SLC25A13: variants seen among roughly 807,000 people sequenced by gnomAD.
The protein encoded by SLC25A13 is solute carrier family 25 member 13, also known as electrogenic aspartate/glutamate antiporter SLC25A13, mitochondrial.
In SLC25A13, 70 loss-of-function variants were observed where a neutral mutation model predicts 85.5. The observed-to-expected ratio is 0.82, with a 90% CI of 0.68 to 1.00. The LOEUF is 1.00. Ranked by LOEUF, SLC25A13 falls within the 50% of genes least tolerant of loss-of-function variation. The probability of loss-of-function intolerance (pLI) is 0.00; values close to 1 mark genes in which losing one functional copy is unlikely to be tolerated. For missense variants in SLC25A13, 765 were observed against 819.8 expected, an observed-to-expected ratio of 0.93 and a Z score of 0.82; for synonymous variants, 259 against 288.7, an observed-to-expected ratio of 0.90 and a Z score of 1.04.
chr7:96,277,457 T>C (rs1295431383), intron 2 of SLC25A13, 119 bp from the exon 3 acceptor site: 2 of 934,542 alleles, frequency 2.1e-6, no homozygotes, highest in East Asian at 2.7e-5. Flanking sequence ...GATATGATCA[T>C]GTACGCTTCA....
chr7:96,197,680 C>G (rs1795112210), intron 5 of SLC25A13, among the ~76,000 whole-genome samples: 1 of 151,582 alleles, frequency 6.6e-6, no homozygotes, highest in Admixed American at 6.6e-5. Context: ...GATCTCAACT[C>G]AGAAGGGATA....
At chr7:96,172,581 A>G (rs936182391) in intron 11 of SLC25A13, among the ~76,000 whole-genome samples, 1 of 151,686 alleles carries the variant, frequency 6.6e-6, no homozygotes, top group Non-Finnish European at 1.5e-5. Flanking sequence ...ATCAATGAAC[A>G]CACTGACCTA....
At chr7:96,176,826 A>G (rs781114472) in intron 11 of SLC25A13, among the ~76,000 whole-genome samples, 1 of 152,206 alleles carries the variant, frequency 6.6e-6, no homozygotes, top group Non-Finnish European at 1.5e-5. Context: ...AACTAATTTT[A>G]GGCTATTTCC....
chr7:96,283,391 A>T, intron 2 of SLC25A13: 1 of 371,162 alleles, frequency 2.7e-6, no homozygotes, highest in South Asian at 2.5e-5. Flanking sequence ...AGAGGCACTC[A>T]ATATATGTTC....
At chr7:96,311,975 G>A (rs910468457) in intron 1 of SLC25A13, among the ~76,000 whole-genome samples, 1 of 152,130 alleles carries the variant, frequency 6.6e-6, no homozygotes, top group Non-Finnish European at 1.5e-5. Context: ...TATGAAAATC[G>A]AATGAGTCTG....
chr7:96,235,931 C>T (rs762466072), intron 3 of SLC25A13, among the ~76,000 whole-genome samples: 16 of 152,078 alleles, frequency 1.1e-4, no homozygotes, highest in Non-Finnish European at 2.2e-4. Flanking sequence ...TATTTTTTAA[C>T]AACTGCTATT....
intron 2 of SLC25A13, among the ~76,000 whole-genome samples, chr7:96,282,639 T>C (rs1284723501): frequency 6.6e-6 from 1 of 152,216 alleles, no homozygotes; most frequent in Non-Finnish European, 1.5e-5. Flanking sequence ...GTTTTTATTA[T>C]TTGAAGCTCT....
chr7:96,253,247 C>G (rs777619067), intron 3 of SLC25A13, among the ~76,000 whole-genome samples: 2 of 151,352 alleles, frequency 1.3e-5, no homozygotes, highest in African/African-American at 2.4e-5. Context: ...CTGTTTGCCA[C>G]CAGGAAAGAT....
chr7:96,295,281 G>A (rs1248068310), intron 2 of SLC25A13, among the ~76,000 whole-genome samples: 1 of 152,138 alleles, frequency 6.6e-6, no homozygotes, highest in South Asian at 2.1e-4. Flanking sequence ...CCCGGGAGGT[G>A]GAGGTTGCAG....
At chr7:96,235,565 C>CT (rs1187303687) in intron 3 of SLC25A13, among the ~76,000 whole-genome samples, 20 of 152,096 alleles carry the variant, frequency 1.3e-4, no homozygotes, top group African/African-American at 4.6e-4. Context: ...TGAGCTAGGC[C>CT]TTAAAAAATG....
chr7:96,129,590 G>A (rs1198996142), intron 15 of SLC25A13, among the ~76,000 whole-genome samples: 10 of 152,176 alleles, frequency 6.6e-5, no homozygotes, highest in Non-Finnish European at 4.4e-5. Flanking sequence ...AACTATGTTC[G>A]GAAAGTTTTA....
intron 14 of SLC25A13, among the ~76,000 whole-genome samples, chr7:96,139,559 A>C (rs1017387165): frequency 2.6e-5 from 4 of 152,188 alleles, no homozygotes; most frequent in African/African-American, 9.6e-5. Flanking sequence ...TCCTTAAATG[A>C]GAGAATAAAA....
intron 1 of SLC25A13, among the ~76,000 whole-genome samples, chr7:96,298,659 G>A (rs1177721708): frequency 4.6e-5 from 7 of 151,962 alleles, no homozygotes; most frequent in Admixed American, 6.6e-5. Flanking sequence ...TCTCCAACTC[G>A]TGACCTTAGG....
intron 1 of SLC25A13, among the ~76,000 whole-genome samples, chr7:96,300,597 A>G (rs1380946153): frequency 6.6e-6 from 1 of 152,210 alleles, no homozygotes; most frequent in East Asian, 1.9e-4. Context: ...AAGAGAAGAG[A>G]AACTCATGGG....
intron 3 of SLC25A13, 83 bp downstream of exon 3, chr7:96,277,112 AT>A: frequency 7.3e-7 from 1 of 1,376,258 alleles, no homozygotes; most frequent in Non-Finnish European, 9.8e-7. Context: ...GAAGGTATAC[AT>A]TTAATGACTT....
In SLC25A13 at chr7:96,170,074, G is replaced by A. The variant is rs759211846; in HGVS notation, c.1282C>T (p.Leu428Phe). Reference sequence around the variant, plus strand: ...CCTCCAGCAAGAATTTCTGCTGCAAGTGGGACCGAACCATCTTTGTGCATA... The same window carrying A: ...CCTCCAGCAAGAATTTCTGCTGCAAATGGGACCGAACCATCTTTGTGCATA... ...KFMHKDGSVP[L>F]AAEILAGGCA... Residue 428 changes from leucine to phenylalanine, a missense_variant, in exon 13 of 18, where the codon CTT (leucine) becomes TTT (phenylalanine). Transcript: ENST00000265631. The A allele has an allele frequency of 2.4e-5, 38 of 1,614,086 alleles. No homozygotes were observed. Among genetic ancestry groups the A allele is most frequent in the Non-Finnish European group, 3.1e-5 (37 of 1,180,046 alleles).
chr7:96,132,013 G>C lies in SLC25A13; in HGVS notation c.1453-132C>G, dbSNP rs748821474. ...AATTTGTACTCACACATTGAAAGGG[G>C]AACAGAAAAAAATAACCCAAATTCT... is the stretch of plus-strand genomic sequence containing the variant. On this transcript the variant is annotated intron_variant, in intron 14 of 17. Coordinates refer to ENST00000265631, the MANE Select transcript of SLC25A13 (RefSeq NM_014251.3). 4 of 1,160,158 alleles carry C rather than the reference G, an allele frequency of 3.4e-6. No homozygotes were observed. In the Admixed American group the frequency reaches 8.4e-5, roughly 24 times the overall value. The allele number at this position is 1,160,158 out of a possible 1,614,324, so 71.9% of individuals were successfully genotyped here.
rs142427515 is a variant in SLC25A13 at position 96,193,101 on chromosome 7, C to T, written c.551G>A (p.Arg184Gln). ...RTGRVTAIDF[R>Q]DIMVTIRPHV... Reference sequence around the variant, plus strand: ...GGGGCGGATGGTGACCATGATGTCTCGGAAGTCGATGGCTGTGACTCTCCC... The same window carrying T: ...GGGGCGGATGGTGACCATGATGTCTTGGAAGTCGATGGCTGTGACTCTCCC... The change falls in exon 6 of 18, where the codon CGA (arginine) becomes CAA (glutamine). Residue 184 changes from arginine (R) to glutamine (Q), a missense_variant. Physicochemically the swap from Arg to Gln is conservative, Grantham distance 43. Transcript: ENST00000265631. 109 of 1,613,958 alleles carry T rather than the reference C, an allele frequency of 6.8e-5. No homozygotes were observed. The highest frequency in any genetic ancestry group is 8.3e-5 in the Non-Finnish European group (98 of 1,180,018).
intron 2 of SLC25A13, among the ~76,000 whole-genome samples, chr7:96,281,391 C>CAA (rs748690314): frequency 7.0e-5 from 4 of 57,092 alleles, no homozygotes; most frequent in African/African-American, 2.6e-4. Flanking sequence ...AACTCCATCT[C>CAA]AAAAAAAAAA....
Sources: allele counts gnomAD v4.1 joint callset (sites outside exome capture counted in the v4.1 genomes callset), GRCh38; gene constraint gnomAD v4.1.1; transcripts MANE v1.5; gene names NCBI Gene and HGNC (gene_info 2026-07-23, HGNC 2026-07-21).